RABEP1: variants seen among roughly 807,000 people sequenced by gnomAD.
RABEP1 encodes the protein rab GTPase-binding effector protein 1.
A neutral mutation model predicts 123.4 loss-of-function variants in RABEP1; 51 were observed. The ratio of observed to expected loss-of-function variants is 0.41; its 90% CI spans 0.33 to 0.52. RABEP1 has a LOEUF of 0.52. Among genes scored for constraint, RABEP1 ranks in the 20% least tolerant of loss-of-function variants. The probability of loss-of-function intolerance (pLI) is 0.16; values close to 1 mark genes in which losing one functional copy is unlikely to be tolerated. For synonymous variants in RABEP1, 347 were observed against 355.2 expected, an observed-to-expected ratio of 0.98 and a Z score of 0.26; for missense variants, 888 against 996.3, an observed-to-expected ratio of 0.89 and a Z score of 1.46.
intron 2 of RABEP1, among the ~76,000 whole-genome samples, chr17:5,330,025 G>A (rs1035431399): frequency 5.9e-5 from 9 of 152,030 alleles, no homozygotes; most frequent in South Asian, 4.1e-4. Flanking sequence ...TTAGCATGAG[G>A]ACCTGTTAAG....
At position 5,384,374 on chromosome 17, in the gene RABEP1, T is replaced by C. The variant is rs1284635489; in HGVS notation, c.*1151T>C. The C allele has an allele frequency of 6.1e-5, 13 of 211,796 alleles. No individual in the cohort carries two copies. The highest frequency in any genetic ancestry group is 9.6e-5 in the Non-Finnish European group (10 of 104,660). 13.1% of individuals were successfully genotyped at this position (211,796 alleles called of 1,614,324 possible). A position where few individuals can be genotyped will look rare whatever the true frequency, so the allele number is the denominator to read the frequency against. Reference sequence around the variant, plus strand: ...CAAAGAATTGATTCATGTTCATCAATACCTGCTGAGAGTACTGTCCCAGGA... The same window carrying C: ...CAAAGAATTGATTCATGTTCATCAACACCTGCTGAGAGTACTGTCCCAGGA... On this transcript the variant is annotated 3_prime_UTR_variant, in exon 18 of 18. Transcript: ENST00000537505.
chr17:5,342,475 TA>T (rs1907698869), intron 5 of RABEP1, among the ~76,000 whole-genome samples: 1 of 152,036 alleles, frequency 6.6e-6, no homozygotes, highest in Admixed American at 6.6e-5. Context: ...CAGTCTCTAC[TA>T]AAAGTACAAA....
Position 5,386,182 on chromosome 17 carries a change from GGT to G in RABEP1, c.*2963_*2964del, listed in dbSNP as rs1491112328. On this transcript the variant is annotated 3_prime_UTR_variant, in exon 18 of 18. Transcript: ENST00000537505. ...TAAGCCTTCAATGGTGTTCAGTTCAGGTGTGAGTCAGCTCCTGGTGGTGTCAG... is the reference window on the plus strand; with the variant it reads ...TAAGCCTTCAATGGTGTTCAGTTCAGGTGAGTCAGCTCCTGGTGGTGTCAG... 1 of 1,589,358 alleles carries G rather than the reference GGT, an allele frequency of 6.3e-7. No homozygotes were observed. The highest frequency in any genetic ancestry group is 1.3e-5 in the African/African-American group (1 of 74,298).
chr17:5,373,744 G>C (rs1394830871), intron 13 of RABEP1, among the ~76,000 whole-genome samples: 1 of 120,486 alleles, frequency 8.3e-6, no homozygotes, highest in Non-Finnish European at 2.0e-5. Flanking sequence ...ACACGAAAAA[G>C]TAACACTTCG....
intron 1 of RABEP1, among the ~76,000 whole-genome samples, chr17:5,298,307 G>A (rs962012210): frequency 3.9e-5 from 6 of 152,056 alleles, no homozygotes; most frequent in African/African-American, 1.4e-4. Flanking sequence ...ACAATCAAGG[G>A]AAGAGTATAT....
At chr17:5,362,440 C>T (rs1402554888) in intron 9 of RABEP1, among the ~76,000 whole-genome samples, 1 of 152,076 alleles carries the variant, frequency 6.6e-6, no homozygotes, top group Non-Finnish European at 1.5e-5. Context: ...AGGAAGCCAC[C>T]GGTCAGTAAG....
chr17:5,342,967 A>G (rs1337717396), intron 5 of RABEP1, among the ~76,000 whole-genome samples: 2 of 152,232 alleles, frequency 1.3e-5, no homozygotes, highest in Non-Finnish European at 1.5e-5. Context: ...TTGTTAAAAA[A>G]TACCCTTTTT....
In RABEP1 at chr17:5,383,510, G is replaced by GCTTTCTCCAAGACAGATTTT. The variant is rs1381559647; in HGVS notation, c.*289_*308dup. ...TGGAAAAAGCGCTGTTTCCTTGCCT[G>GCTTTCTCCAAGACAGATTTT]CTTTCTCCAAGACAGATTTTCGGAA... is the stretch of plus-strand genomic sequence containing the variant. On this transcript the variant is annotated 3_prime_UTR_variant, in exon 18 of 18. Coordinates refer to ENST00000537505, the MANE Select transcript of RABEP1 (RefSeq NM_004703.6). The GCTTTCTCCAAGACAGATTTT allele has an allele frequency of 2.6e-6, 1 of 378,826 alleles. No individual in the cohort carries two copies. The highest frequency in any genetic ancestry group is 2.0e-5 in the African/African-American group (1 of 49,706). The allele number at this position is 378,826 out of a possible 1,614,324, so 23.5% of individuals were successfully genotyped here.
At chr17:5,323,799 A>AATATATATATATATCTAGGAATAT in intron 2 of RABEP1, among the ~76,000 whole-genome samples, 1 of 104,462 alleles carries the variant, frequency 9.6e-6, no homozygotes, top group African/African-American at 4.8e-5. Flanking sequence ...TATATCTAGG[A>AATATATATATATATCTAGGAATAT]ATATATATAT....
At chr17:5,367,694 C>A (rs1047345663) in intron 11 of RABEP1, among the ~76,000 whole-genome samples, 4 of 150,990 alleles carry the variant, frequency 2.6e-5, no homozygotes, top group African/African-American at 9.7e-5. Context: ...TTCAGTTGGT[C>A]TGTTTGCCTT....
intron 2 of RABEP1, among the ~76,000 whole-genome samples, chr17:5,315,413 C>A (rs1436605904): frequency 6.6e-6 from 1 of 152,002 alleles, no homozygotes; most frequent in South Asian, 2.1e-4. Flanking sequence ...GAATTAAGAG[C>A]CTTCAACACA....
intron 1 of RABEP1, among the ~76,000 whole-genome samples, chr17:5,299,725 C>CTTTTTTTT (rs201875944): frequency 5.7e-4 from 59 of 104,092 alleles, no homozygotes; most frequent in Middle Eastern, 5.3e-3. Flanking sequence ...TTTTCTTTTT[C>CTTTTTTTT]TTTTTCTTTT....
At chr17:5,290,501 T>C (rs1318260087) in intron 1 of RABEP1, among the ~76,000 whole-genome samples, 1 of 152,190 alleles carries the variant, frequency 6.6e-6, no homozygotes, top group Non-Finnish European at 1.5e-5. Flanking sequence ...AAAATATCTG[T>C]TGCGTTTATA....
chr17:5,289,501 AAG>A (rs2075012788), intron 1 of RABEP1, among the ~76,000 whole-genome samples: 1 of 151,502 alleles, frequency 6.6e-6, no homozygotes, highest in Non-Finnish European at 1.5e-5. Flanking sequence ...TGTTTATTTA[AAG>A]AGAAAAAACC....
At chr17:5,373,478 A>C in intron 13 of RABEP1, 24 bp downstream of exon 13, 1 of 1,578,842 alleles carries the variant, frequency 6.3e-7, no homozygotes, top group Non-Finnish European at 8.6e-7. Flanking sequence ...CACATGATCA[A>C]AAATGTCAAC....
intron 2 of RABEP1, among the ~76,000 whole-genome samples, chr17:5,311,943 A>G (rs998898770): frequency 6.6e-6 from 1 of 152,142 alleles, no homozygotes; most frequent in Non-Finnish European, 1.5e-5. Flanking sequence ...TTATTACAGC[A>G]ATTATTATTC....
At chr17:5,343,166 C>T (rs1007121934) in intron 5 of RABEP1, among the ~76,000 whole-genome samples, 4 of 152,108 alleles carry the variant, frequency 2.6e-5, no homozygotes, top group African/African-American at 7.2e-5. Flanking sequence ...GCAGGAGAAT[C>T]GCTTGAACCT....
At chr17:5,373,532 T>C in intron 13 of RABEP1, 78 bp downstream of exon 13, 1 of 1,430,104 alleles carries the variant, frequency 7.0e-7, no homozygotes, top group Non-Finnish European at 9.4e-7. Context: ...ATGTAAACAG[T>C]TTTATTCAGA....
chr17:5,292,387 A>T (rs2075041815), intron 1 of RABEP1, among the ~76,000 whole-genome samples: 1 of 150,246 alleles, frequency 6.7e-6, no homozygotes, highest in Non-Finnish European at 1.5e-5. Context: ...TTAAATTTTT[A>T]GTTTATTTAC....
Sources: gnomAD v4.1 joint callset for allele counts (sites outside exome capture counted in the v4.1 genomes callset) on GRCh38, gnomAD v4.1.1 for gene constraint, MANE v1.5 for transcripts, NCBI Gene and HGNC (gene_info 2026-07-23, HGNC 2026-07-21) for gene names.